Variants in CFAP61 observed in about 807,000 individuals in gnomAD.
CFAP61 encodes the protein cilia- and flagella-associated protein 61.
Under a neutral mutation model 135.6 loss-of-function variants are expected in CFAP61, and 107 were observed. The ratio of observed to expected loss-of-function variants is 0.79; its 90% CI spans 0.67 to 0.93. The LOEUF (loss-of-function observed/expected upper bound fraction) is 0.93, where lower values mean the gene tolerates loss of function less well. Among genes scored for constraint, CFAP61 ranks in the 40% least tolerant of loss-of-function variants. CFAP61 has a pLI of 0.00. For missense variants in CFAP61, 1,507 were observed against 1,556.2 expected (o/e 0.97, Z 0.53); for synonymous variants, 575 against 578.5 (o/e 0.99, Z 0.09).
chr20:20,053,646 G>A (rs2146518298), intron 1 of CFAP61, among the ~76,000 whole-genome samples: 1 of 152,228 alleles, frequency 6.6e-6, no homozygotes. Context: ...AAAGATTTAT[G>A]CAGATTTCTA....
chr20:20,313,500 G>A (rs1000852100), intron 25 of CFAP61, among the ~76,000 whole-genome samples: 12 of 152,162 alleles, frequency 7.9e-5, no homozygotes, highest in African/African-American at 2.7e-4. Context: ...TGGTCATTCT[G>A]TCCAAGGCCC....
In CFAP61 at chr20:20,337,504, GGATAAATGGA is replaced by G. The variant is rs1342925133; in HGVS notation, c.3423-4326_3423-4317del. ...TGGATGGATGGATAGATGGGTGGAT[GGATAAATGGA>G]TGGATGGATGGATGGATAGATGGGT... On this transcript the variant is annotated intron_variant, in intron 25 of 26. Transcript: ENST00000245957. Among the ~76,000 whole-genome samples the G allele has an allele frequency of 2.4e-3, 257 of 107,098 alleles. 2 individuals carry two copies. The highest frequency in any genetic ancestry group is 5.4e-3 in the African/African-American group (151 of 28,160). 70.3% of individuals were successfully genotyped at this position (107,098 alleles called of 152,430 possible).
At chr20:20,178,450 C>G (rs143662063) in intron 13 of CFAP61, among the ~76,000 whole-genome samples, 1 of 152,188 alleles carries the variant, frequency 6.6e-6, no homozygotes, top group Non-Finnish European at 1.5e-5. Flanking sequence ...AGAACATATT[C>G]AGGTGAACTG....
chr20:20,152,822 A>G (rs1032235602), intron 9 of CFAP61, among the ~76,000 whole-genome samples: 4 of 152,196 alleles, frequency 2.6e-5, no homozygotes, highest in Admixed American at 2.6e-4. Flanking sequence ...ATCATGACAG[A>G]AAGTCAACAA....
intron 21 of CFAP61, among the ~76,000 whole-genome samples, chr20:20,271,700 A>C (rs1020938288): frequency 1.3e-5 from 2 of 152,184 alleles, no homozygotes; most frequent in Non-Finnish European, 2.9e-5. Flanking sequence ...TCTTCCATGA[A>C]AACTGCCATG....
chr20:20,091,819 A>G (rs1317448476), intron 7 of CFAP61, among the ~76,000 whole-genome samples: 1 of 152,120 alleles, frequency 6.6e-6, no homozygotes, highest in Non-Finnish European at 1.5e-5. Context: ...CTGGGATTAC[A>G]GGTGTGCGCC....
intron 26 of CFAP61, among the ~76,000 whole-genome samples, chr20:20,343,330 A>G (rs1326050945): frequency 6.6e-6 from 1 of 152,188 alleles, no homozygotes; most frequent in African/African-American, 2.4e-5. Context: ...TCCAGCTGGG[A>G]ACTGTAAATC....
rs2048915288 is a variant in CFAP61, at chr20:20,228,707, C to T, written c.2060+331C>T. The stretch of plus-strand genomic sequence containing the variant: ...CTCTGCTGAGTAGTTGGAACAGAGA[C>T]CATATGGCCTTCAGTGCCTAAAATA... On this transcript the variant is annotated intron_variant, in intron 18 of 26. Coordinates refer to ENST00000245957, the MANE Select transcript of CFAP61 (RefSeq NM_015585.4). 2.1e-5 allele frequency: 4 copies of T among 186,916 alleles called. No individual in the cohort carries two copies. The South Asian group carries it at 6.2e-4, about 29-fold the overall frequency. The allele number at this position is 186,916 out of a possible 1,614,324, so 11.6% of individuals were successfully genotyped here.
intron 21 of CFAP61, among the ~76,000 whole-genome samples, chr20:20,271,482 A>G (rs762607259): frequency 6.6e-6 from 1 of 152,146 alleles, no homozygotes; most frequent in Non-Finnish European, 1.5e-5. Flanking sequence ...TCCTCTAGGA[A>G]GCACCCTTGC....
At position 20,161,931 on chromosome 20, in the gene CFAP61, C is replaced by A. The variant is rs536737215; in HGVS notation, c.1027-2119C>A. On this transcript the variant is annotated intron_variant, in intron 10 of 26. Coordinates refer to ENST00000245957, the MANE Select transcript of CFAP61 (RefSeq NM_015585.4). ...TTAAGTTTCTATTGCTGCTGTTACA[C>A]ATTACCCCAAACTTGGTGGCTTATA... Among the ~76,000 whole-genome samples, 8 of 152,240 alleles carry A rather than the reference C, an allele frequency of 5.3e-5. No individual in the cohort carries two copies. The East Asian group carries it at 1.5e-3, about 29-fold the overall frequency.
intron 25 of CFAP61, among the ~76,000 whole-genome samples, chr20:20,303,680 G>C (rs2056247966): frequency 6.6e-6 from 1 of 152,132 alleles, no homozygotes; most frequent in African/African-American, 2.4e-5. Context: ...GCCGCGATAT[G>C]ATTACCGATT....
intron 25 of CFAP61, among the ~76,000 whole-genome samples, chr20:20,316,065 A>T: frequency 1.3e-5 from 2 of 151,784 alleles, no homozygotes; most frequent in Non-Finnish European, 2.9e-5. Context: ...GTTTTTTCCA[A>T]TTCTGTGAAG....
intron 22 of CFAP61, among the ~76,000 whole-genome samples, chr20:20,283,425 A>G (rs960884168): frequency 2.0e-5 from 3 of 152,108 alleles, no homozygotes; most frequent in African/African-American, 7.2e-5. Context: ...TTTACTTTCT[A>G]CTTATCTGTG....
chr20:20,322,815 G>C (rs1423836898), intron 25 of CFAP61: 6 of 985,234 alleles, frequency 6.1e-6, no homozygotes, highest in Admixed American at 6.2e-5. Context: ...TAATATGGTA[G>C]GAAAGTGTTT....
intron 20 of CFAP61, among the ~76,000 whole-genome samples, chr20:20,254,495 G>A (rs908901018): frequency 2.0e-5 from 3 of 151,936 alleles, no homozygotes; most frequent in Non-Finnish European, 4.4e-5. Flanking sequence ...TTACTCTGTG[G>A]CACATTAAGC....
chr20:20,056,860 G>A, intron 2 of CFAP61, 64 bp downstream of exon 2: 1 of 1,478,264 alleles, frequency 6.8e-7, no homozygotes, highest in South Asian at 1.2e-5. Flanking sequence ...GCTCACACCT[G>A]TAATCTCAGC....
intron 8 of CFAP61, among the ~76,000 whole-genome samples, chr20:20,110,479 CAAAAAT>C (rs1346800495): frequency 6.6e-6 from 1 of 151,950 alleles, no homozygotes; most frequent in Non-Finnish European, 1.5e-5. Flanking sequence ...AATGCGGAAA[CAAAAAT>C]AAAAATCAAG....
intron 25 of CFAP61, among the ~76,000 whole-genome samples, chr20:20,319,152 C>G (rs1440607518): frequency 6.6e-6 from 1 of 152,172 alleles, no homozygotes; most frequent in Non-Finnish European, 1.5e-5. Context: ...CAGTGGCCTG[C>G]CCATAATACA....
chr20:20,071,286 C>A (rs1313939376), intron 3 of CFAP61, among the ~76,000 whole-genome samples: 2 of 152,152 alleles, frequency 1.3e-5, no homozygotes, highest in South Asian at 2.1e-4. Context: ...ACGTGTGCTT[C>A]CAGGTCTCAC....
Sources: allele counts gnomAD v4.1 joint callset (sites outside exome capture counted in the v4.1 genomes callset), GRCh38; gene constraint gnomAD v4.1.1; transcripts MANE v1.5; gene names NCBI Gene and HGNC (gene_info 2026-07-23, HGNC 2026-07-21).